Variants in TCERG1 observed in about 807,000 individuals in gnomAD.
TCERG1 encodes the protein TATA box binding protein (TBP)-associated factor, RNA polymerase II, S, 150kD.
Under a neutral mutation model 144.7 loss-of-function variants are expected in TCERG1, and 37 were observed. The observed-to-expected ratio is 0.26, with a 90% CI of 0.20 to 0.34. The LOEUF (loss-of-function observed/expected upper bound fraction) is 0.34, where lower values mean the gene tolerates loss of function less well. Ranked by LOEUF, TCERG1 falls within the 10% of genes least tolerant of loss-of-function variation. The pLI is 1.00. For synonymous variants in TCERG1, 492 were observed against 458.2 expected (o/e 1.07, Z -0.94); for missense variants, 1,027 against 1,380.7 (o/e 0.74, Z 4.06).
intron 4 of TCERG1, among the ~76,000 whole-genome samples, chr5:146,461,830 GT>G (rs938745235): frequency 3.3e-5 from 5 of 152,110 alleles, no homozygotes; most frequent in African/African-American, 1.2e-4. Context: ...TTTTGTGCAA[GT>G]TTGTGAAAAA....
chr5:146,447,433 A>G (rs772702010), intron 1 of TCERG1, 25 bp downstream of exon 1: 3 of 1,605,528 alleles, frequency 1.9e-6, no homozygotes, highest in Middle Eastern at 1.7e-4. Flanking sequence ...CCTCCTTCAC[A>G]TCTCTGCTCA....
intron 19 of TCERG1, among the ~76,000 whole-genome samples, chr5:146,505,087 TA>T (rs58813480): frequency 0.28 from 31,360 of 112,374 alleles, 4,276 homozygotes; most frequent in East Asian, 0.81. Context: ...GCCAATGAGC[TA>T]AAAAAAAAAA....
At chr5:146,490,806 T>C (rs1286011344) in intron 15 of TCERG1, among the ~76,000 whole-genome samples, 1 of 152,172 alleles carries the variant, frequency 6.6e-6, no homozygotes, top group Non-Finnish European at 1.5e-5. Context: ...TCTTCAACTT[T>C]TTCTCTTTCC....
intron 16 of TCERG1, among the ~76,000 whole-genome samples, chr5:146,496,533 A>T (rs1177547237): frequency 2.0e-5 from 3 of 151,776 alleles, no homozygotes; most frequent in Non-Finnish European, 2.9e-5. Context: ...TATCCAGTTA[A>T]TTTTTTTTCA....
chr5:146,478,202 G>A (rs1343339259), intron 9 of TCERG1, among the ~76,000 whole-genome samples: 1 of 152,218 alleles, frequency 6.6e-6, no homozygotes, highest in East Asian at 1.9e-4. Flanking sequence ...TTAAAATTTA[G>A]TACTCTCAAA....
chr5:146,455,761 A>AT (rs1212901884), intron 2 of TCERG1, among the ~76,000 whole-genome samples: 4 of 151,980 alleles, frequency 2.6e-5, no homozygotes, highest in Admixed American at 1.3e-4. Context: ...ACATAGTTGA[A>AT]TTTTTTTTCT....
At position 146,482,715 on chromosome 5, in the gene TCERG1, G is replaced by T. The variant is rs754776254; in HGVS notation, c.2061G>T (p.Leu687=). Residue 687 remains leucine, a synonymous_variant, in exon 14 of 23, where the codon CTG becomes CTT. Coordinates refer to ENST00000679501, the MANE Select transcript of TCERG1 (RefSeq NM_001382548.1). ...EARMKQFKDM[L]LERGVSAFST... ...GAATGAAGCAGTTCAAGGACATGCT[G>T]CTAGAGAGAGGGGTCAGAAAACAAT... 1.3e-5 allele frequency: 21 copies of T among 1,608,500 alleles called. No individual in the cohort carries two copies. The highest frequency in any genetic ancestry group is 1.6e-5 in the Non-Finnish European group (19 of 1,177,000).
chr5:146,457,040 A>G (rs1762888321), intron 2 of TCERG1, 143 bp from the exon 3 acceptor site: 2 of 1,047,828 alleles, frequency 1.9e-6, no homozygotes, highest in Non-Finnish European at 2.7e-6. Context: ...TGTTGCAGAC[A>G]TTTTGCTTCT....
intron 15 of TCERG1, among the ~76,000 whole-genome samples, chr5:146,485,424 G>C (rs749303973): frequency 6.6e-6 from 1 of 152,000 alleles, no homozygotes; most frequent in African/African-American, 2.4e-5. Flanking sequence ...TGCTTTATTT[G>C]TAGTGCCTGG....
rs374635339 is a variant in TCERG1, at chr5:146,483,768, G to A, written c.2163+139G>A. 273 of 614,914 alleles carry A rather than the reference G, an allele frequency of 4.4e-4. 1 individual carries two copies. The African/African-American group carries it at 4.7e-3, about 11-fold the overall frequency. 38.1% of individuals were successfully genotyped at this position (614,914 alleles called of 1,614,324 possible). On this transcript the variant is annotated intron_variant, in intron 15 of 22. Transcript: ENST00000679501. ...AGTCTTGCATCTTAGAACATATTAT[G>A]TGTCTGTGTGTGGACATTTCTACTT...
chr5:146,452,405 TAC>T (rs1348782642), intron 1 of TCERG1, among the ~76,000 whole-genome samples: 1 of 152,166 alleles, frequency 6.6e-6, no homozygotes, highest in Admixed American at 6.5e-5. Flanking sequence ...AGATCCTGCA[TAC>T]GCTACTTGTA....
intron 15 of TCERG1, among the ~76,000 whole-genome samples, chr5:146,487,636 A>G (rs561616376): frequency 6.6e-6 from 1 of 152,060 alleles, no homozygotes; most frequent in South Asian, 2.1e-4. Context: ...TTGGGAGACT[A>G]AGGTGTGGGG....
intron 4 of TCERG1, 88 bp from the exon 5 acceptor site, chr5:146,463,463 T>C (rs2150319342): frequency 6.4e-7 from 1 of 1,571,078 alleles, no homozygotes; most frequent in African/African-American, 1.3e-5. Flanking sequence ...CCTTAAATAC[T>C]TAAATTACTG....
chr5:146,510,867 A>T lies in TCERG1; in HGVS notation c.*225A>T, dbSNP rs528247295. ...CTCAAATATAGGCTGTCTCTAGTAA[A>T]TCTTAAAATCTTGAAGCTAAAATTC... On this transcript the variant is annotated 3_prime_UTR_variant, in exon 23 of 23. Transcript: ENST00000679501. The T allele has an allele frequency of 2.7e-5, 10 of 364,554 alleles. No individual in the cohort carries two copies. In the East Asian group the frequency reaches 4.5e-4, roughly 16 times the overall value. 22.6% of individuals were successfully genotyped at this position (364,554 alleles called of 1,614,324 possible).
rs143058661 is a variant in TCERG1, at chr5:146,497,476, C to T, written c.2283-1060C>T. On this transcript the variant is annotated intron_variant, in intron 16 of 22. Transcript: ENST00000679501. ...ATAGTTGTTTTAAAGTTATTGTCTACTTAGAACGACATCTGGACATCTTGG... is the reference window on the plus strand; with the variant it reads ...ATAGTTGTTTTAAAGTTATTGTCTATTTAGAACGACATCTGGACATCTTGG... 1.9e-3 allele frequency among the ~76,000 whole-genome samples: 285 copies of T among 152,288 alleles called. 3 individuals are homozygous for T. In the Middle Eastern group the frequency reaches 0.024, roughly 13 times the overall value.
chr5:146,461,674 A>G (rs988841785), intron 4 of TCERG1, among the ~76,000 whole-genome samples: 8 of 152,244 alleles, frequency 5.3e-5, no homozygotes, highest in East Asian at 1.9e-4. Flanking sequence ...TTTCCTGACT[A>G]TAGTACTTTG....
chr5:146,493,428 A>G (rs747185712), intron 16 of TCERG1, among the ~76,000 whole-genome samples: 17 of 152,102 alleles, frequency 1.1e-4, no homozygotes, highest in Admixed American at 6.5e-5. Flanking sequence ...GTGTCTAGTT[A>G]ATGGTCATGT....
At chr5:146,463,154 A>G (rs567634112) in intron 4 of TCERG1, among the ~76,000 whole-genome samples, 1 of 152,234 alleles carries the variant, frequency 6.6e-6, no homozygotes, top group South Asian at 2.1e-4. Flanking sequence ...AATTTTCTAA[A>G]CAATTCCTTT....
At chr5:146,479,001 A>G (rs1019339359) in intron 10 of TCERG1, among the ~76,000 whole-genome samples, 2 of 152,178 alleles carry the variant, frequency 1.3e-5, no homozygotes, top group Admixed American at 6.5e-5. Flanking sequence ...GACTAGTAAT[A>G]TATTTCTTGA....
Sources: allele counts gnomAD v4.1 joint callset (sites outside exome capture counted in the v4.1 genomes callset), GRCh38; gene constraint gnomAD v4.1.1; transcripts MANE v1.5; gene names NCBI Gene and HGNC (gene_info 2026-07-23, HGNC 2026-07-21).